ANKS1B: variants seen among roughly 807,000 people sequenced by gnomAD.
The protein encoded by ANKS1B is ankyrin repeat and sterile alpha motif domain-containing protein 1B.
Under a neutral mutation model 148.3 loss-of-function variants are expected in ANKS1B, and 36 were observed. That is an observed-to-expected ratio of 0.24 (90% CI 0.19 to 0.32). The LOEUF is 0.32. Among genes scored for constraint, ANKS1B ranks in the 10% least tolerant of loss-of-function variants. The pLI is 1.00. For synonymous variants in ANKS1B, 542 were observed against 560.8 expected (o/e 0.97, Z 0.47); for missense variants, 1,157 against 1,542.6 (o/e 0.75, Z 4.19).
At chr12:99,957,519 G>A (rs561612610) in intron 1 of ANKS1B, among the ~76,000 whole-genome samples, 1 of 152,228 alleles carries the variant, frequency 6.6e-6, no homozygotes, top group Admixed American at 6.5e-5. Flanking sequence ...TTTTAAAGTG[G>A]CTTTTCCCTC....
At chr12:99,880,211 C>T (rs1404432644) in intron 1 of ANKS1B, among the ~76,000 whole-genome samples, 1 of 152,144 alleles carries the variant, frequency 6.6e-6, no homozygotes, top group Admixed American at 6.5e-5. Context: ...GTAATATGCA[C>T]TAAGCGCCTT....
At chr12:98,930,765 T>C (rs542118005) in intron 17 of ANKS1B, among the ~76,000 whole-genome samples, 1 of 152,058 alleles carries the variant, frequency 6.6e-6, no homozygotes, top group Non-Finnish European at 1.5e-5. Context: ...TGCTCATGGT[T>C]ATGGGGTGTC....
intron 8 of ANKS1B, among the ~76,000 whole-genome samples, chr12:99,720,981 A>C (rs1327000767): frequency 2.0e-5 from 3 of 152,200 alleles, no homozygotes; most frequent in African/African-American, 4.8e-5. Context: ...GCACTCTCTA[A>C]TTAGATGTCC....
intron 9 of ANKS1B, among the ~76,000 whole-genome samples, chr12:99,506,617 C>G (rs1295582343): frequency 6.6e-6 from 1 of 151,830 alleles, no homozygotes; most frequent in Non-Finnish European, 1.5e-5. Context: ...AAAGGCTATC[C>G]CTCATCAACT....
chr12:99,260,937 G>A lies in ANKS1B; in HGVS notation c.1757-14073C>T, dbSNP rs570275148. On this transcript the variant is annotated intron_variant, in intron 12 of 26. Coordinates refer to ENST00000683438, the MANE Select transcript of ANKS1B (RefSeq NM_001352186.2). The stretch of plus-strand genomic sequence containing the variant: ...TGTTGGTAAATGACATATTCATTTA[G>A]CAACTATCTCACAGAAATTTTCAGG... Among the ~76,000 whole-genome samples, 19 of 152,246 alleles carry A rather than the reference G, an allele frequency of 1.2e-4. No homozygotes were observed. The South Asian group carries it at 2.7e-3, about 22-fold the overall frequency.
intron 15 of ANKS1B, among the ~76,000 whole-genome samples, chr12:99,152,686 C>T (rs1202238892): frequency 6.6e-6 from 1 of 152,022 alleles, no homozygotes; most frequent in Non-Finnish European, 1.5e-5. Flanking sequence ...AATCCAAAGA[C>T]CTAACTTCTC....
At chr12:99,089,531 T>G (rs2153640885) in intron 15 of ANKS1B, among the ~76,000 whole-genome samples, 1 of 152,338 alleles carries the variant, frequency 6.6e-6, no homozygotes, top group East Asian at 1.9e-4. Flanking sequence ...CATTAGACAG[T>G]GCTACTCTAC....
intron 26 of ANKS1B, among the ~76,000 whole-genome samples, chr12:98,750,735 G>T (rs1174139011): frequency 6.6e-6 from 1 of 152,222 alleles, no homozygotes; most frequent in East Asian, 1.9e-4. Flanking sequence ...GTTGGGACAG[G>T]ATGTCTGCAG....
At chr12:99,646,026 TAAAA>T (rs34337860) in intron 9 of ANKS1B, among the ~76,000 whole-genome samples, 3 of 131,866 alleles carry the variant, frequency 2.3e-5, no homozygotes, top group Non-Finnish European at 3.2e-5. Flanking sequence ...AGAAAATCAG[TAAAA>T]AAAAAAAAAA....
At chr12:99,704,090 G>A in intron 8 of ANKS1B, among the ~76,000 whole-genome samples, 1 of 152,080 alleles carries the variant, frequency 6.6e-6, no homozygotes, top group East Asian at 1.9e-4. Flanking sequence ...TTTATAACTT[G>A]TTCCTAAATA....
chr12:99,417,384 T>C (rs1459047904), intron 11 of ANKS1B, among the ~76,000 whole-genome samples: 1 of 152,190 alleles, frequency 6.6e-6, no homozygotes, highest in Non-Finnish European at 1.5e-5. Context: ...CTGGGTTCTC[T>C]CTTCTGTCCT....
At chr12:98,754,081 G>A (rs186178634) in intron 25 of ANKS1B, among the ~76,000 whole-genome samples, 79 of 152,292 alleles carry the variant, frequency 5.2e-4, no homozygotes, top group South Asian at 4.1e-4. Flanking sequence ...CTTGAGAGTC[G>A]GTTTGAGAGA....
At chr12:99,792,585 G>GT (rs1352122626) in intron 4 of ANKS1B, among the ~76,000 whole-genome samples, 3 of 151,880 alleles carry the variant, frequency 2.0e-5, no homozygotes, top group Non-Finnish European at 4.4e-5. Context: ...GTGATACCCT[G>GT]TATCAACAGA....
At chr12:99,760,213 T>C (rs750462729) in intron 8 of ANKS1B, among the ~76,000 whole-genome samples, 7 of 151,728 alleles carry the variant, frequency 4.6e-5, no homozygotes, top group Non-Finnish European at 8.9e-5. Flanking sequence ...AAAAACAGGA[T>C]GTCATCAACC....
At chr12:98,953,537 G>GTGTTTTTTTTTTT in intron 17 of ANKS1B, among the ~76,000 whole-genome samples, 1 of 57,456 alleles carries the variant, frequency 1.7e-5, no homozygotes, top group East Asian at 6.4e-4. Context: ...ATCTAGAGTG[G>GTGTTTTTTTTTTT]TTTTTTTTTT....
At chr12:98,887,329 T>G (rs145548097) in intron 17 of ANKS1B, among the ~76,000 whole-genome samples, 1 of 152,208 alleles carries the variant, frequency 6.6e-6, no homozygotes, top group African/African-American at 2.4e-5. Flanking sequence ...CACAGGTGAT[T>G]TGCGTTTTCC....
intron 1 of ANKS1B, among the ~76,000 whole-genome samples, chr12:99,959,403 A>G (rs1011398648): frequency 6.6e-6 from 1 of 151,880 alleles, no homozygotes; most frequent in African/African-American, 2.4e-5. Flanking sequence ...AAAGAAATAT[A>G]ATTCATTTAG....
chr12:99,644,245 A>T (rs1436301294), intron 9 of ANKS1B, among the ~76,000 whole-genome samples: 3 of 152,144 alleles, frequency 2.0e-5, no homozygotes, highest in African/African-American at 7.2e-5. Flanking sequence ...AGTTTTCAAT[A>T]ACATGTTTCC....
At chr12:99,459,888 C>T (rs1343046203) in intron 10 of ANKS1B, among the ~76,000 whole-genome samples, 1 of 152,054 alleles carries the variant, frequency 6.6e-6, no homozygotes, top group African/African-American at 2.4e-5. Flanking sequence ...TCATTCTTCA[C>T]AGAACTAGAA....
Sources: allele counts gnomAD v4.1 joint callset (sites outside exome capture counted in the v4.1 genomes callset), GRCh38; gene constraint gnomAD v4.1.1; transcripts MANE v1.5; gene names NCBI Gene and HGNC (gene_info 2026-07-23, HGNC 2026-07-21).